ITIH6: variants seen among roughly 807,000 people sequenced by gnomAD.
ITIH6 encodes inter-alpha-trypsin inhibitor heavy chain family member 6.
ITIH6 carries 60 observed loss-of-function variants against 58.2 expected under a neutral mutation model. The observed-to-expected ratio is 1.03, with a 90% CI of 0.84 to 1.28. ITIH6 has a LOEUF of 1.28. ITIH6 is among the 50% of genes most tolerant of loss of function. The pLI is 0.00. For missense variants in ITIH6, 1,290 were observed against 1,021.1 expected (o/e 1.26, Z -3.59); for synonymous variants, 493 against 417.4 (o/e 1.18, Z -2.21).
intron 8 of ITIH6, among the ~76,000 whole-genome samples, chrX:54,756,345 C>A (rs1239529839): frequency 9.0e-6 from 1 of 111,497 alleles, no homozygotes; most frequent in Non-Finnish European, 1.9e-5. Context: ...CATTGAGAAA[C>A]TTATTTTACC....
At chrX:54,790,798 G>T (rs1464932009) in intron 4 of ITIH6, 39 bp downstream of exon 4, 1 of 1,206,046 alleles carries the variant, frequency 8.3e-7, no homozygotes, top group East Asian at 3.0e-5. Flanking sequence ...ATTCAGTGAA[G>T]GCCAGTCTGA....
chrX:54,765,770 T>C (rs1423084129), intron 6 of ITIH6, among the ~76,000 whole-genome samples: 2 of 109,875 alleles, frequency 1.8e-5, no homozygotes, highest in African/African-American at 6.7e-5. Context: ...TTGGTAACAG[T>C]ACCATGCTGT....
At chrX:54,794,500 C>G (rs1344688254) in intron 2 of ITIH6, among the ~76,000 whole-genome samples, 2 of 110,741 alleles carry the variant, frequency 1.8e-5, no homozygotes, top group Non-Finnish European at 3.8e-5. Context: ...ATGCAATGAT[C>G]TTGGTCCCTT....
intron 6 of ITIH6, among the ~76,000 whole-genome samples, chrX:54,768,667 G>A (rs1255278692): frequency 1.9e-5 from 2 of 107,454 alleles, no homozygotes; most frequent in African/African-American, 7.0e-5. Flanking sequence ...TGAAATTCTG[G>A]GTTGAAAATT....
chrX:54,757,308 G>A lies in ITIH6; in HGVS notation c.2766C>T (p.Val922=). ...AGGGCATGGGGAGGGGTTCTCCAAG[G>A]ACAGAGGTGGTTGTGGTACTGCTGG... ...TGPSSTTTTS[V]LGEPLPMPFT... The change falls in exon 8 of 13, where the codon GTC becomes GTT. Residue 922 remains valine, a synonymous_variant. Transcript: ENST00000218436. 8.4e-7 allele frequency: 1 copy of A among 1,197,026 alleles called. No homozygotes were observed. The highest frequency in any genetic ancestry group is 1.1e-6 in the Non-Finnish European group (1 of 887,660).
At chrX:54,788,948 G>A (rs1034021110) in intron 4 of ITIH6, among the ~76,000 whole-genome samples, 3 of 112,299 alleles carry the variant, frequency 2.7e-5, no homozygotes, top group African/African-American at 6.5e-5. Context: ...TTCATTTTCC[G>A]TGCAACCTGG....
chrX:54,757,861 G>A lies in ITIH6; in HGVS notation c.2213C>T (p.Pro738Leu). 2 of 1,211,659 alleles carry A rather than the reference G, an allele frequency of 1.7e-6. No homozygotes were observed. The highest frequency in any genetic ancestry group is 2.2e-6 in the Non-Finnish European group (2 of 895,454). Reference protein sequence around the residue: ...LVPSNSGTLLPLKPGSLSHQN... With the variant: ...LVPSNSGTLLLLKPGSLSHQN... ...GTGTGATAGAGAGCCGGGCTTCAGA[G>A]GCAACAGAGTACCAGAATTTGAGGG... Residue 738 changes from proline to leucine, a missense_variant, in exon 8 of 13, where the codon CCT (proline) becomes CTT (leucine). Pro to Leu is a moderately conservative substitution (Grantham distance 98). Transcript: ENST00000218436.
chrX:54,793,328 C>A (rs1481042923), intron 2 of ITIH6, among the ~76,000 whole-genome samples: 7 of 110,754 alleles, frequency 6.3e-5, no homozygotes, highest in Non-Finnish European at 1.3e-4. Context: ...GAACAAAAAA[C>A]CAATTTCTTA....
intron 5 of ITIH6, among the ~76,000 whole-genome samples, chrX:54,782,938 C>A (rs1929175072): frequency 8.9e-6 from 1 of 111,809 alleles, no homozygotes; most frequent in Admixed American, 9.5e-5. Context: ...ATGTGCATGT[C>A]CTCAACAAAA....
chrX:54,772,987 T>C (rs1181046269), intron 6 of ITIH6, among the ~76,000 whole-genome samples: 1 of 111,567 alleles, frequency 9.0e-6, no homozygotes, highest in African/African-American at 3.3e-5. Context: ...CCCAGGCTGG[T>C]CTCAAACTCC....
chrX:54,771,027 C>G (rs1928938206), intron 6 of ITIH6, among the ~76,000 whole-genome samples: 1 of 111,715 alleles, frequency 9.0e-6, no homozygotes, highest in African/African-American at 3.3e-5. Flanking sequence ...TTTCACTCCA[C>G]TTTCTTCTTG....
chrX:54,795,954 T>C (rs1473173645), intron 2 of ITIH6, among the ~76,000 whole-genome samples: 1 of 111,827 alleles, frequency 8.9e-6, no homozygotes, highest in African/African-American at 3.3e-5. Context: ...AGCCTCAACT[T>C]CCCATGTTCA....
chrX:54,780,628 A>C (rs928644236), intron 5 of ITIH6, among the ~76,000 whole-genome samples: 1 of 111,706 alleles, frequency 9.0e-6, no homozygotes, highest in African/African-American at 3.3e-5. Flanking sequence ...AGAGCAAACC[A>C]AACCCTAAAT....
Position 54,757,353 on chromosome X carries a change from T to A in ITIH6, c.2721A>T (p.Thr907=). The change falls in exon 8 of 13, where the codon ACA becomes ACT. Residue 907 remains threonine (T), a synonymous_variant. Coordinates refer to ENST00000218436, the MANE Select transcript of ITIH6 (RefSeq NM_198510.3). ...TGCTGGGACCTGTGGAACTTGAGAT[T>A]GTATTTGGGAATGTGCTTAGGCTCT... ...LPESLSTFPN[T]ISSSTGPSST... 1 of 1,204,634 alleles carries A rather than the reference T, an allele frequency of 8.3e-7. No individual in the cohort carries two copies. The highest frequency in any genetic ancestry group is 1.7e-5 in the African/African-American group (1 of 57,174).
At chrX:54,777,012 G>T (rs926983316) in intron 5 of ITIH6, among the ~76,000 whole-genome samples, 1 of 112,456 alleles carries the variant, frequency 8.9e-6, no homozygotes, top group African/African-American at 3.2e-5. Flanking sequence ...TTCTAGGCAT[G>T]GGCTCTTGGA....
At chrX:54,797,975 G>A in intron 1 of ITIH6, 134 bp downstream of exon 1, 1 of 462,039 alleles carries the variant, frequency 2.2e-6, no homozygotes, top group Non-Finnish European at 3.7e-6. Context: ...TCAGCAAATA[G>A]TACCTCTTTT....
chrX:54,774,921 C>A (rs1474811379), intron 5 of ITIH6, among the ~76,000 whole-genome samples: 3 of 111,750 alleles, frequency 2.7e-5, no homozygotes, highest in Non-Finnish European at 5.7e-5. Flanking sequence ...GATGTCTGTG[C>A]TGGCTGAGGG....
rs754005624 is a variant in ITIH6, at chrX:54,749,995, T to C, written c.3842A>G (p.Asp1281Gly). The change falls in exon 13 of 13, where the codon GAC (aspartate) becomes GGC (glycine). Residue 1281 changes from aspartate (D) to glycine (G), a missense_variant. Transcript: ENST00000218436. ...PVILGKRLLK[D>G]SPRLLPRWAS... ...CCAGCGGGGCAGCAGCCTTGGTGAGTCCTTCAGCAGCCTCTTGCCTAGAAT... is the reference window on the plus strand; with the variant it reads ...CCAGCGGGGCAGCAGCCTTGGTGAGCCCTTCAGCAGCCTCTTGCCTAGAAT... 49 of 1,209,153 alleles carry C rather than the reference T, an allele frequency of 4.1e-5. No homozygotes were observed. Among genetic ancestry groups the C allele is most frequent in the Non-Finnish European group, 5.3e-5 (47 of 894,775 alleles).
In ITIH6 at chrX:54,753,685, C is replaced by T; in HGVS notation, c.3318G>A (p.Gly1106=). 8.3e-7 allele frequency: 1 copy of T among 1,210,581 alleles called. No homozygotes were observed. Among genetic ancestry groups the T allele is most frequent in the Non-Finnish European group, 1.1e-6 (1 of 894,963 alleles). ...GGTCCTCTATGAGCTGCAGCAAGTCCCCAGGGTGCCCATTCAGTGTGAAGC... is the reference window on the plus strand; with the variant it reads ...GGTCCTCTATGAGCTGCAGCAAGTCTCCAGGGTGCCCATTCAGTGTGAAGC... ...KICFTLNGHP[G]DLLQLIEDPK... Residue 1106 remains glycine, a synonymous_variant, in exon 11 of 13, where the codon GGG becomes GGA. Transcript: ENST00000218436.
Sources: gnomAD v4.1 joint callset for allele counts (sites outside exome capture counted in the v4.1 genomes callset) on GRCh38, gnomAD v4.1.1 for gene constraint, MANE v1.5 for transcripts, NCBI Gene and HGNC (gene_info 2026-07-23, HGNC 2026-07-21) for gene names.